The following MED14 variants were observed in gnomAD, a reference collection of about 807,000 sequenced individuals.
MED14 encodes mediator complex subunit 14, also known as mediator of RNA polymerase II transcription subunit 14.
In MED14, 8 loss-of-function variants were observed where a neutral mutation model predicts 109.0. The ratio of observed to expected loss-of-function variants is 0.07; its 90% CI spans 0.04 to 0.13. The LOEUF (loss-of-function observed/expected upper bound fraction) is 0.13. Among genes scored for constraint, MED14 ranks in the 10% least tolerant of loss-of-function variants. The pLI is 1.00. For synonymous variants in MED14, 399 were observed against 408.7 expected (o/e 0.98, Z 0.29); for missense variants, 711 against 1,142.4 (o/e 0.62, Z 5.44).
rs765984652 is a variant in MED14, at chrX:40,682,946, C to T, written c.2108G>A (p.Arg703His). 84 of 1,208,149 alleles carry T rather than the reference C, an allele frequency of 7.0e-5. No individual in the cohort carries two copies. The highest frequency in any genetic ancestry group is 2.3e-4 in the South Asian group (13 of 56,615). Residue 703 changes from arginine to histidine, a missense_variant, in exon 17 of 31, where the codon CGC becomes CAC. By Grantham distance (29) the Arg-to-His change is conservative (BLOSUM62 0). Transcript: ENST00000324817. ...TCGGAAAGTGCAATCAAGAAGAGAG[C>T]GGTCCAGAGCCTTTTGGGTTTCCTC... ...ITEETQKALD[R>H]SLLDCTFRLQ...
intron 3 of MED14, among the ~76,000 whole-genome samples, chrX:40,722,645 G>A (rs1931761176): frequency 9.0e-6 from 1 of 111,415 alleles, no homozygotes; most frequent in Non-Finnish European, 1.9e-5. Flanking sequence ...AGCAGATTCA[G>A]CCCAAAGACG....
rs1464780389 is a variant in MED14, at chrX:40,726,783, T to C, written c.311A>G (p.Lys104Arg). 7 of 1,206,924 alleles carry C rather than the reference T, an allele frequency of 5.8e-6. No individual in the cohort carries two copies. The highest frequency in any genetic ancestry group is 6.7e-6 in the Non-Finnish European group (6 of 893,521). ...QLFVRLLALV[K>R]WANNAGKVEK... Reference sequence around the variant, plus strand: ...CACTTTGCCAGCATTATTAGCCCATTTCACTAAAGCTAATAATCGAACGAA... The same window carrying C: ...CACTTTGCCAGCATTATTAGCCCATCTCACTAAAGCTAATAATCGAACGAA... Residue 104 changes from lysine (K) to arginine (R), a missense_variant, in exon 3 of 31, where the codon AAA (lysine) becomes AGA (arginine). Transcript: ENST00000324817.
intron 16 of MED14, among the ~76,000 whole-genome samples, chrX:40,685,347 G>C (rs1420670951): frequency 8.9e-6 from 1 of 111,948 alleles, no homozygotes; most frequent in Non-Finnish European, 1.9e-5. Flanking sequence ...CAAAACCAGG[G>C]AGATCACTGA....
At chrX:40,682,512 G>T in intron 18 of MED14, 91 bp downstream of exon 18, 2 of 746,105 alleles carry the variant, frequency 2.7e-6, no homozygotes, top group Non-Finnish European at 3.7e-6. Flanking sequence ...TTTTTTGCTT[G>T]GAACACTGTG....
intron 3 of MED14, among the ~76,000 whole-genome samples, chrX:40,717,679 C>T (rs1478565923): frequency 2.7e-5 from 3 of 111,055 alleles, no homozygotes; most frequent in Non-Finnish European, 5.7e-5. Flanking sequence ...TGCACCACCA[C>T]CCCCAGCTAA....
intron 12 of MED14, among the ~76,000 whole-genome samples, chrX:40,698,544 T>C (rs1342522255): frequency 1.8e-5 from 2 of 112,581 alleles, no homozygotes; most frequent in East Asian, 5.5e-4. Context: ...TATAACTTTA[T>C]CTGTTGATTC....
chrX:40,681,742 CCTAA>C (rs761940441), intron 19 of MED14, 106 bp downstream of exon 19: 104 of 414,434 alleles, frequency 2.5e-4, no homozygotes, highest in Non-Finnish European at 4.0e-4. Flanking sequence ...CCATTTTATC[CCTAA>C]CTTTTACTTG....
chrX:40,683,851 T>G (rs1438155853), intron 16 of MED14, among the ~76,000 whole-genome samples: 2 of 112,263 alleles, frequency 1.8e-5, no homozygotes. Context: ...ACATCACATA[T>G]ACAAGAGGAA....
At chrX:40,735,725 T>C (rs1050731990), upstream of MED14, 7 of 429,277 alleles carry the variant, frequency 1.6e-5, no homozygotes, top group African/African-American at 1.4e-4. Flanking sequence ...AACGTACATG[T>C]TGACTGCCCG....
chrX:40,701,353 A>G lies in MED14; in HGVS notation c.1412-110T>C, dbSNP rs180690612. The G allele has an allele frequency of 1.7e-5, 8 of 482,120 alleles. No individual in the cohort carries two copies. The East Asian group carries it at 3.1e-4, about 19-fold the overall frequency. 39.7% of individuals were successfully genotyped at this position (482,120 alleles called of 1,213,427 possible). A position where few individuals can be genotyped will look rare whatever the true frequency, so the allele number is the denominator to read the frequency against. The stretch of plus-strand genomic sequence containing the variant: ...TGAAAATTATTGTTTAAGGCAGAAA[A>G]TCATGTTGTTTTTGAGTCAGAGAAA... On this transcript the variant is annotated intron_variant, in intron 11 of 30. Transcript: ENST00000324817.
At chrX:40,726,686 T>C (rs1931904872) in intron 3 of MED14, 60 bp downstream of exon 3, 1 of 915,085 alleles carries the variant, frequency 1.1e-6, no homozygotes, top group African/African-American at 2.0e-5. Flanking sequence ...TGTAAAACTA[T>C]GTCTATCATA....
chrX:40,668,890 C>A (rs951489433), intron 23 of MED14, among the ~76,000 whole-genome samples: 3 of 111,869 alleles, frequency 2.7e-5, no homozygotes, highest in Non-Finnish European at 5.6e-5. Flanking sequence ...TTTTGGTCCT[C>A]AGTTGACCTC....
At chrX:40,695,974 T>G in intron 13 of MED14, among the ~76,000 whole-genome samples, 1 of 111,477 alleles carries the variant, frequency 9.0e-6, no homozygotes, top group African/African-American at 3.3e-5. Context: ...GGTCTCACTA[T>G]ATTGCTTAAG....
chrX:40,716,201 C>T (rs892782935), intron 3 of MED14, among the ~76,000 whole-genome samples: 5 of 111,409 alleles, frequency 4.5e-5, no homozygotes, highest in African/African-American at 1.6e-4. Flanking sequence ...ATAACAGATG[C>T]TTGTGAGGAT....
chrX:40,720,019 A>G (rs28605816), intron 3 of MED14, among the ~76,000 whole-genome samples: 1,486 of 111,935 alleles, frequency 0.013, 26 homozygotes, highest in African/African-American at 0.046. Context: ...AGAAGTGCTG[A>G]AACATGAACA....
chrX:40,650,458 G>A lies in MED14; in HGVS notation c.*1348C>T. On this transcript the variant is annotated 3_prime_UTR_variant, in exon 31 of 31. Coordinates refer to ENST00000324817, the MANE Select transcript of MED14 (RefSeq NM_004229.4). ...TAGACAAAGCATCTACATTTTAATG[G>A]AGAACCAGTATTACAGTGACCAGGT... 1 of 754,045 alleles carries A rather than the reference G, an allele frequency of 1.3e-6. No homozygotes were observed. Among genetic ancestry groups the A allele is most frequent in the Non-Finnish European group, 1.6e-6 (1 of 639,072 alleles). 62.1% of individuals were successfully genotyped at this position (754,045 alleles called of 1,213,427 possible). A position where few individuals can be genotyped will look rare whatever the true frequency, so the allele number is the denominator to read the frequency against.
Position 40,703,425 on chromosome X carries a change from A to T in MED14, c.1411+19T>A. On this transcript the variant is annotated intron_variant, in intron 11 of 30. Transcript: ENST00000324817. ...ATAATTTTTCTTACATTGAATGATT[A>T]TATCATTTAGTAACTTACCAAGTCC... The T allele has an allele frequency of 8.7e-7, 1 of 1,143,915 alleles. No individual in the cohort carries two copies. Among genetic ancestry groups the T allele is most frequent in the African/African-American group, 1.8e-5 (1 of 56,003 alleles). 94.3% of individuals were successfully genotyped at this position (1,143,915 alleles called of 1,213,427 possible). A position where few individuals can be genotyped will look rare whatever the true frequency, so the allele number is the denominator to read the frequency against.
intron 3 of MED14, among the ~76,000 whole-genome samples, chrX:40,716,334 T>C (rs767668719): frequency 1.8e-5 from 2 of 111,206 alleles, no homozygotes; most frequent in East Asian, 2.8e-4. Context: ...GGCTCACATA[T>C]GTAATCCTAG....
intron 1 of MED14, among the ~76,000 whole-genome samples, chrX:40,734,833 T>C (rs1489068607): frequency 8.9e-6 from 1 of 112,560 alleles, no homozygotes; most frequent in East Asian, 2.8e-4. Context: ...ATTTAAAACG[T>C]ATCGTCAAGA....
Sources: gnomAD v4.1 joint callset for allele counts (sites outside exome capture counted in the v4.1 genomes callset) on GRCh38, gnomAD v4.1.1 for gene constraint, MANE v1.5 for transcripts, NCBI Gene and HGNC (gene_info 2026-07-23, HGNC 2026-07-21) for gene names.